Variants in MIOS observed in about 807,000 individuals in gnomAD.
MIOS encodes meiosis regulator for oocyte development.
Under a neutral mutation model 96.9 loss-of-function variants are expected in MIOS, and 52 were observed. The ratio of observed to expected loss-of-function variants is 0.54; its 90% CI spans 0.43 to 0.68. The LOEUF (loss-of-function observed/expected upper bound fraction) is 0.68, where lower values mean the gene tolerates loss of function less well. MIOS is among the 30% of genes least tolerant of loss of function. MIOS has a pLI of 0.00. For synonymous variants in MIOS, 397 were observed against 359.5 expected, an observed-to-expected ratio of 1.10 and a Z score of -1.18; for missense variants, 1,005 against 1,052.8, an observed-to-expected ratio of 0.95 and a Z score of 0.63.
At chr7:7,576,577 G>A (rs959265928) in intron 5 of MIOS, among the ~76,000 whole-genome samples, 1 of 152,298 alleles carries the variant, frequency 6.6e-6, no homozygotes, top group Non-Finnish European at 1.5e-5. Flanking sequence ...GAGCATGAGA[G>A]AGGAAGTGAG....
chr7:7,601,311 T>G (rs932750750), intron 11 of MIOS, among the ~76,000 whole-genome samples: 2 of 146,820 alleles, frequency 1.4e-5, no homozygotes, highest in African/African-American at 5.0e-5. Context: ...TCAACAAAAT[T>G]GATAGACTGC....
intron 11 of MIOS, among the ~76,000 whole-genome samples, chr7:7,602,581 A>C (rs181883383): frequency 0.014 from 2,092 of 152,320 alleles, 25 homozygotes; most frequent in Non-Finnish European, 0.021. Flanking sequence ...AAGAGGATAC[A>C]AACAAATGGA....
chr7:7,600,922 A>T (rs903225382), intron 11 of MIOS, among the ~76,000 whole-genome samples: 11 of 152,198 alleles, frequency 7.2e-5, no homozygotes, highest in African/African-American at 2.7e-4. Flanking sequence ...TTCACTCCAA[A>T]CCGCTCAACT....
chr7:7,600,310 T>C (rs1192466448), intron 11 of MIOS, among the ~76,000 whole-genome samples: 1 of 152,094 alleles, frequency 6.6e-6, no homozygotes, highest in South Asian at 2.1e-4. Flanking sequence ...ATCAGTGTGC[T>C]GTATTCAGGA....
At chr7:7,567,800 G>A (rs1783195940) in intron 2 of MIOS, 112 bp downstream of exon 2, 1 of 152,202 alleles carries the variant, frequency 6.6e-6, no homozygotes, top group South Asian at 2.1e-4. Context: ...GGATTGAGAT[G>A]TGCTATAAGT....
chr7:7,602,056 A>G (rs1016494140), intron 11 of MIOS, among the ~76,000 whole-genome samples: 41 of 152,248 alleles, frequency 2.7e-4, no homozygotes, highest in Non-Finnish European at 5.1e-4. Flanking sequence ...TAAATTAGGT[A>G]TTGATGGGAT....
intron 3 of MIOS, among the ~76,000 whole-genome samples, chr7:7,571,691 C>G (rs1326940527): frequency 6.6e-6 from 1 of 151,492 alleles, no homozygotes; most frequent in Non-Finnish European, 1.5e-5. Context: ...AGGGGTTCCC[C>G]ACACACAATG....
At chr7:7,581,386 T>C (rs533239527) in intron 5 of MIOS, among the ~76,000 whole-genome samples, 73 of 152,346 alleles carry the variant, frequency 4.8e-4, no homozygotes, top group South Asian at 2.7e-3. Flanking sequence ...TGCTTGTGTT[T>C]GTTTATGCCT....
rs1783395318 is a variant in MIOS at position 7,572,747 on chromosome 7, G to A, written c.272G>A (p.Ser91Asn). Residue 91 changes from serine (S) to asparagine (N), a missense_variant, in exon 4 of 13, where the codon AGC (serine) becomes AAC (asparagine). Coordinates refer to ENST00000340080, the MANE Select transcript of MIOS (RefSeq NM_019005.4). This position sits in a 1 kb window ranked among gnomAD's most constrained non-coding sequence, Gnocchi z 4.8. ...GQANGRVVLT[S>N]LGQDHNSKFK... ...GCAAATGGTCGAGTTGTACTTACAA[G>A]CCTTGGTCAAGATCATAACTCAAAG... 1.2e-6 allele frequency: 2 copies of A among 1,614,146 alleles called. No individual in the cohort carries two copies. The highest frequency in any genetic ancestry group is 2.2e-5 in the East Asian group (1 of 44,886).
intron 11 of MIOS, among the ~76,000 whole-genome samples, chr7:7,603,817 A>G (rs7385329): frequency 0.96 from 146,482 of 151,892 alleles, 70,667 homozygotes; most frequent in East Asian, 1. Context: ...CAAGCCAGAT[A>G]TCCAACAATG....
chr7:7,597,108 C>T (rs766739120), intron 11 of MIOS, among the ~76,000 whole-genome samples: 73 of 152,056 alleles, frequency 4.8e-4, no homozygotes, highest in Non-Finnish European at 8.8e-4. Flanking sequence ...TGGCAGATCA[C>T]AAGGTCAGAA....
At chr7:7,569,564 T>G (rs1583619057) in intron 3 of MIOS, among the ~76,000 whole-genome samples, 1 of 152,370 alleles carries the variant, frequency 6.6e-6, no homozygotes, top group East Asian at 1.9e-4. Context: ...ATGCATTTAT[T>G]TAACAAATGT....
intron 6 of MIOS, among the ~76,000 whole-genome samples, chr7:7,585,415 CCTT>C (rs869027948): frequency 2.8e-5 from 4 of 142,664 alleles, no homozygotes. Flanking sequence ...CAAACCCCCC[CCTT>C]TTTTTTTTTT....
intron 11 of MIOS, among the ~76,000 whole-genome samples, chr7:7,600,454 A>C (rs1784342470): frequency 6.6e-6 from 1 of 152,204 alleles, no homozygotes; most frequent in Non-Finnish European, 1.5e-5. Context: ...TAAACCAACA[A>C]AGATCAAAAG....
In MIOS at chr7:7,573,454, T is replaced by G. The variant is rs1380370222; in HGVS notation, c.979T>G (p.Ser327Ala). ...SVQPCDNYIA[S>A]FAWHPTSQNR... ...GCAACCTTGTGACAATTACATTGCT[T>G]CCTTTGCGTGGCATCCAACAAGTCA... is the stretch of plus-strand genomic sequence containing the variant. Residue 327 changes from serine to alanine, a missense_variant, in exon 4 of 13, where the codon TCC becomes GCC. Transcript: ENST00000340080. The surrounding 1 kb of genome is among the most constrained non-coding windows in gnomAD (Gnocchi z 5.0). 6.2e-7 allele frequency: 1 copy of G among 1,614,120 alleles called. No individual in the cohort carries two copies. Among genetic ancestry groups the G allele is most frequent in the Non-Finnish European group, 8.5e-7 (1 of 1,179,964 alleles).
At chr7:7,599,840 A>G (rs188662471) in intron 11 of MIOS, among the ~76,000 whole-genome samples, 217 of 152,342 alleles carry the variant, frequency 1.4e-3, no homozygotes, top group African/African-American at 5.0e-3. Context: ...TGTGGTACAT[A>G]CACAGCATAG....
At chr7:7,606,854 G>A in intron 12 of MIOS, 142 bp from the exon 13 acceptor site, 1 of 622,314 alleles carries the variant, frequency 1.6e-6, no homozygotes, top group Non-Finnish European at 2.8e-6. Context: ...AGGAGGCTGA[G>A]GCAGGAGGAT....
rs928331249 is a variant in MIOS at position 7,607,346 on chromosome 7, T to C, written c.*254T>C. Reference sequence around the variant, plus strand: ...GTTGAAAAGTCTGATTTAGAAAAACTTTCTAAGTTTTGGTTGAAATTATGA... The same window carrying C: ...GTTGAAAAGTCTGATTTAGAAAAACCTTCTAAGTTTTGGTTGAAATTATGA... On this transcript the variant is annotated 3_prime_UTR_variant, in exon 13 of 13. Transcript: ENST00000340080. 38 of 279,072 alleles carry C rather than the reference T, an allele frequency of 1.4e-4. No individual in the cohort carries two copies. In the South Asian group the frequency reaches 3.1e-3, roughly 23 times the overall value. The allele number at this position is 279,072 out of a possible 1,614,324, so 17.3% of individuals were successfully genotyped here.
rs1226280851 is a variant in MIOS, at chr7:7,608,274, T to C, written c.*1182T>C. On this transcript the variant is annotated 3_prime_UTR_variant, in exon 13 of 13. Transcript: ENST00000340080. ...CAGAGGGACTGAACTAGGAATTTTG[T>C]AGTTGAAGCTGTGTTCATAAAGAGT... 1 of 152,110 alleles carries C rather than the reference T, an allele frequency of 6.6e-6. No individual in the cohort carries two copies. Among genetic ancestry groups the C allele is most frequent in the Admixed American group, 6.6e-5 (1 of 15,244 alleles). The allele number at this position is 152,110 out of a possible 1,614,324, so 9.4% of individuals were successfully genotyped here.
Sources: allele counts gnomAD v4.1 joint callset (sites outside exome capture counted in the v4.1 genomes callset), GRCh38; gene constraint gnomAD v4.1.1; non-coding constraint Gnocchi (gnomAD v3.1); transcripts MANE v1.5; gene names NCBI Gene and HGNC (gene_info 2026-07-23, HGNC 2026-07-21).